The following RHOT1 variants were observed in gnomAD, a reference collection of about 807,000 sequenced individuals.
The protein encoded by RHOT1 is mitochondrial Rho GTPase 1.
In RHOT1, 27 loss-of-function variants were observed where a neutral mutation model predicts 95.3. That is an observed-to-expected ratio of 0.28 (90% CI 0.21 to 0.39). The LOEUF is 0.39. Ranked by LOEUF, RHOT1 falls within the 10% of genes least tolerant of loss-of-function variation. The pLI is 1.00. For missense variants in RHOT1, 578 were observed against 786.7 expected, an observed-to-expected ratio of 0.73 and a Z score of 3.17; for synonymous variants, 227 against 263.5, an observed-to-expected ratio of 0.86 and a Z score of 1.34.
At chr17:32,149,605 A>ATGTGTGTG (rs1567648973) in intron 1 of RHOT1, among the ~76,000 whole-genome samples, 1 of 74,238 alleles carries the variant, frequency 1.3e-5, no homozygotes, top group African/African-American at 9.9e-5. Context: ...ATATATATAT[A>ATGTGTGTG]TATATATATA....
chr17:32,157,572 C>T (rs925618074), intron 1 of RHOT1, among the ~76,000 whole-genome samples: 18 of 151,972 alleles, frequency 1.2e-4, no homozygotes, highest in Admixed American at 1.1e-3. Context: ...TTTGGGAGGT[C>T]GAGGCGGGTG....
At chr17:32,173,723 A>G (rs2034766038) in intron 2 of RHOT1, 108 bp from the exon 3 acceptor site, 3 of 773,046 alleles carry the variant, frequency 3.9e-6, no homozygotes, top group East Asian at 2.7e-5. Flanking sequence ...AAAAAAAAAA[A>G]GAAAAGAAAC....
At chr17:32,149,615 A>ATG (rs1272063309) in intron 1 of RHOT1, among the ~76,000 whole-genome samples, 43 of 84,092 alleles carry the variant, frequency 5.1e-4, no homozygotes, top group African/African-American at 2.5e-3. Context: ...ATATATATAT[A>ATG]TATATATATA....
At chr17:32,176,881 T>C (rs1256409531) in intron 6 of RHOT1, among the ~76,000 whole-genome samples, 1 of 152,200 alleles carries the variant, frequency 6.6e-6, no homozygotes, top group Non-Finnish European at 1.5e-5. Context: ...TGAATCTTTT[T>C]AAATAGGAAA....
intron 16 of RHOT1, among the ~76,000 whole-genome samples, chr17:32,205,251 T>C (rs1326570203): frequency 1.3e-5 from 2 of 152,066 alleles, no homozygotes; most frequent in Admixed American, 1.3e-4. Context: ...CCCACACTTA[T>C]GAGTGAGAAC....
intron 1 of RHOT1, among the ~76,000 whole-genome samples, chr17:32,163,612 C>T (rs565392770): frequency 6.6e-6 from 1 of 152,052 alleles, no homozygotes; most frequent in East Asian, 1.9e-4. Context: ...CACCTGTAAT[C>T]CCAGCTACTT....
Position 32,166,858 on chromosome 17 carries a change from A to G in RHOT1, c.38-4185A>G, listed in dbSNP as rs1598331405. Among the ~76,000 whole-genome samples, 5 of 152,230 alleles carry G rather than the reference A, an allele frequency of 3.3e-5. No homozygotes were observed. In the South Asian group the frequency reaches 8.3e-4, roughly 25 times the overall value. On this transcript the variant is annotated intron_variant, in intron 1 of 19. Coordinates refer to ENST00000545287, the MANE Select transcript of RHOT1 (RefSeq NM_001033566.3). ...CAAAGTCATGTGAGGGTTGGAACCA[A>G]CTTCTTCCAAACTCCTGATAATGTT...
intron 1 of RHOT1, chr17:32,151,490 G>A: frequency 3.3e-6 from 2 of 610,424 alleles, no homozygotes; most frequent in Non-Finnish European, 2.9e-6. Flanking sequence ...ATTCTCTGGG[G>A]CCATTCTGTT....
chr17:32,201,190 C>G, intron 14 of RHOT1, 134 bp downstream of exon 14: 1 of 504,116 alleles, frequency 2.0e-6, no homozygotes, highest in East Asian at 3.6e-5. Flanking sequence ...TCCTTGTGAT[C>G]AGATCATTTC....
At chr17:32,182,120 A>G (rs948498437) in intron 6 of RHOT1, among the ~76,000 whole-genome samples, 70 of 152,132 alleles carry the variant, frequency 4.6e-4, no homozygotes, top group African/African-American at 1.4e-3. Context: ...CTATCCCCCT[A>G]TTTATTTCCT....
At chr17:32,142,904 C>T (rs957141793) in intron 1 of RHOT1, 175 bp downstream of exon 1, 5 of 747,782 alleles carry the variant, frequency 6.7e-6, no homozygotes, top group Non-Finnish European at 1.2e-5. Flanking sequence ...TCACTCTTCT[C>T]TTTTGGCTGG....
At chr17:32,202,745 G>A (rs2037414733) in intron 14 of RHOT1, 25 bp from the exon 15 acceptor site, 6 of 1,525,402 alleles carry the variant, frequency 3.9e-6, no homozygotes, top group Non-Finnish European at 5.3e-6. Context: ...TATTTAGTGG[G>A]GTTTTTTATT....
chr17:32,189,321 A>C (rs1392387404), intron 8 of RHOT1, among the ~76,000 whole-genome samples: 1 of 152,118 alleles, frequency 6.6e-6, no homozygotes, highest in Non-Finnish European at 1.5e-5. Flanking sequence ...ACAAAACAAA[A>C]AACAACAAAA....
At chr17:32,211,398 G>T in intron 19 of RHOT1, 160 bp downstream of exon 19, 1 of 526,936 alleles carries the variant, frequency 1.9e-6, no homozygotes, top group Non-Finnish European at 3.1e-6. Flanking sequence ...GTTTAGTTTT[G>T]GAAGCATCCT....
At chr17:32,154,840 A>G (rs1485506414) in intron 1 of RHOT1, among the ~76,000 whole-genome samples, 3 of 151,662 alleles carry the variant, frequency 2.0e-5, no homozygotes, top group Non-Finnish European at 2.9e-5. Context: ...GGTTGCAGTG[A>G]GCCGTGATCG....
At chr17:32,186,521 G>T (rs926234397) in intron 8 of RHOT1, among the ~76,000 whole-genome samples, 2 of 151,816 alleles carry the variant, frequency 1.3e-5, no homozygotes, top group African/African-American at 4.8e-5. Flanking sequence ...CCACCACCAC[G>T]CCCGGCTAAT....
chr17:32,189,303 AG>A (rs2036288838), intron 8 of RHOT1, among the ~76,000 whole-genome samples: 1 of 152,236 alleles, frequency 6.6e-6, no homozygotes, highest in African/African-American at 2.4e-5. Context: ...CCCCACCTCA[AG>A]AAAAAAACAA....
Position 32,225,587 on chromosome 17 carries a change from A to G in RHOT1, c.*854A>G, listed in dbSNP as rs1013951491. On this transcript the variant is annotated 3_prime_UTR_variant, in exon 20 of 20. Coordinates refer to ENST00000545287, the MANE Select transcript of RHOT1 (RefSeq NM_001033566.3). ...AACTGCATGTGTCACCAAGTGTTCTATATCAGGCTAGGATAACCTAGAGGC... is the reference window on the plus strand; with the variant it reads ...AACTGCATGTGTCACCAAGTGTTCTGTATCAGGCTAGGATAACCTAGAGGC... 3 of 152,562 alleles carry G rather than the reference A, an allele frequency of 2.0e-5. No homozygotes were observed. The highest frequency in any genetic ancestry group is 4.4e-5 in the Non-Finnish European group (3 of 68,048). The allele number at this position is 152,562 out of a possible 1,614,324, so 9.5% of individuals were successfully genotyped here.
chr17:32,185,634 C>A (rs1331232770), intron 8 of RHOT1, among the ~76,000 whole-genome samples: 2 of 151,862 alleles, frequency 1.3e-5, no homozygotes, highest in African/African-American at 2.4e-5. Flanking sequence ...TCTTAAACTC[C>A]TAGGCTCAAG....
Sources: gnomAD v4.1 joint callset for allele counts (sites outside exome capture counted in the v4.1 genomes callset) on GRCh38, gnomAD v4.1.1 for gene constraint, MANE v1.5 for transcripts, NCBI Gene and HGNC (gene_info 2026-07-23, HGNC 2026-07-21) for gene names.